Variants in TRPM2 observed in about 807,000 individuals in gnomAD.
TRPM2 encodes transient receptor potential cation channel subfamily M member 2, also known as estrogen-responsive element-associated gene 1 protein.
Under a neutral mutation model 174.0 loss-of-function variants are expected in TRPM2, and 161 were observed. The observed-to-expected ratio is 0.93, with a 90% CI of 0.81 to 1.05. The LOEUF (loss-of-function observed/expected upper bound fraction) is 1.05, where lower values mean the gene tolerates loss of function less well. Ranked by LOEUF, TRPM2 falls within the 50% of genes least tolerant of loss-of-function variation. The pLI, the probability that TRPM2 is intolerant of heterozygous loss-of-function variation, is 0.00. For synonymous variants in TRPM2, 954 were observed against 861.3 expected, an observed-to-expected ratio of 1.11 and a Z score of -1.88; for missense variants, 2,057 against 2,038.0, an observed-to-expected ratio of 1.01 and a Z score of -0.18.
At chr21:44,416,534 T>C in intron 20 of TRPM2, 2 of 163,212 alleles carry the variant, frequency 1.2e-5, no homozygotes, top group Non-Finnish European at 2.7e-5. Flanking sequence ...AATCCACAGA[T>C]CAGGTCCTAG....
intron 5 of TRPM2, among the ~76,000 whole-genome samples, chr21:44,372,118 T>G (rs928077556): frequency 1.3e-5 from 2 of 151,600 alleles, no homozygotes; most frequent in Admixed American, 1.3e-4. Context: ...CAAGACTCTG[T>G]CTAAACTAAA....
At chr21:44,350,272 G>A (rs1341539519), upstream of TRPM2, 1 of 151,400 alleles carries the variant, frequency 6.6e-6, no homozygotes, top group Admixed American at 6.6e-5. Flanking sequence ...GCGGCTCCGA[G>A]CAGGTAGGTG....
Position 44,414,072 on chromosome 21 carries a change from C to T in TRPM2, c.3144C>T (p.Phe1048=), listed in dbSNP as rs778521185. 2 of 1,601,154 alleles carry T rather than the reference C, an allele frequency of 1.2e-6. No homozygotes were observed. Among genetic ancestry groups the T allele is most frequent in the African/African-American group, 1.3e-5 (1 of 74,406 alleles). The change falls in exon 20 of 32, where the codon TTC becomes TTT. Residue 1048 remains phenylalanine (F), a splice_region_variant and synonymous_variant. Transcript: ENST00000397928. ...ILLLNLLIAM[F]NYTFQQVQEH... is the part of the protein sequence containing the mutation. ...TGCTCAACCTCCTCATCGCCATGTT[C>T]AAGTGAGCGCCTGGGTGGGGCTGGC... is the stretch of plus-strand genomic sequence containing the variant.
chr21:44,356,118 GTGATCCACCC>G (rs1425055069), intron 2 of TRPM2, among the ~76,000 whole-genome samples: 1 of 133,926 alleles, frequency 7.5e-6, no homozygotes, highest in East Asian at 2.4e-4. Context: ...GCCGAGGCAG[GTGATCCACCC>G]GCCTCGGCCT....
intron 27 of TRPM2, among the ~76,000 whole-genome samples, chr21:44,431,990 ACC>A (rs1046067521): frequency 1.3e-5 from 2 of 151,696 alleles, no homozygotes; most frequent in Non-Finnish European, 2.9e-5. Context: ...CCTAACCTTA[ACC>A]CTAACCCTCT....
chr21:44,381,861 C>T (rs1242816525), intron 8 of TRPM2, among the ~76,000 whole-genome samples: 25 of 149,032 alleles, frequency 1.7e-4, no homozygotes, highest in Non-Finnish European at 3.1e-4. Flanking sequence ...GACCCAAGAT[C>T]GTGCCACTGC....
In TRPM2 at chr21:44,391,551, C is replaced by T; in HGVS notation, c.1720C>T (p.Gln574Ter). The stretch of plus-strand genomic sequence containing the variant: ...GCGGGAGCTGCTGGGGGACTTCACG[C>T]AGCCGCTTTATCCCCGGCCCCGGCA... ...VLRELLGDFT[Q>*]PLYPRPRHND... Residue 574 changes from glutamine (Q) to a stop codon, truncating the protein, a stop_gained, in exon 11 of 32, where the codon CAG (glutamine) becomes TAG (stop). Coordinates refer to ENST00000397928, the MANE Select transcript of TRPM2 (RefSeq NM_003307.4). LOFTEE classifies it high-confidence loss of function. This position sits in a 1 kb window ranked among gnomAD's most constrained non-coding sequence, Gnocchi z 5.0. 6.3e-7 allele frequency: 1 copy of T among 1,599,932 alleles called. No homozygotes were observed. The highest frequency in any genetic ancestry group is 8.5e-7 in the Non-Finnish European group (1 of 1,177,900).
chr21:44,424,969 C>G (rs1461957968), intron 24 of TRPM2, 30 bp downstream of exon 24: 2 of 1,560,956 alleles, frequency 1.3e-6, no homozygotes, highest in Admixed American at 3.7e-5. Flanking sequence ...AGCAGCTGGT[C>G]TCCAGCCGCC....
intron 22 of TRPM2, chr21:44,422,498 A>C (rs898228355): frequency 2.7e-6 from 4 of 1,490,454 alleles, no homozygotes; most frequent in Non-Finnish European, 2.7e-6. Flanking sequence ...GAGCGAAATC[A>C]CTTTCTTCCC....
rs1601187303 is a variant in TRPM2, at chr21:44,410,351, G to GCA, written c.2963-3540_2963-3539insCA. ...TTTTGACCACACTGTCTTGGTTGGT[G>GCA]TAGCCTTGTAGTAAGTTTTGACCAC... On this transcript the variant is annotated intron_variant, in intron 19 of 31. Transcript: ENST00000397928. Among the ~76,000 whole-genome samples the GCA allele has an allele frequency of 8.4e-5, 7 of 83,008 alleles. 1 individual carries two copies. The highest frequency in any genetic ancestry group is 2.7e-4 in the Admixed American group (2 of 7,300). The allele number at this position is 83,008 out of a possible 152,430, so 54.5% of individuals were successfully genotyped here.
intron 5 of TRPM2, among the ~76,000 whole-genome samples, chr21:44,373,429 C>A (rs550009672): frequency 6.6e-6 from 1 of 152,118 alleles, no homozygotes. Flanking sequence ...TCAAGTGATC[C>A]GCCCGCCTCG....
At position 44,390,752 on chromosome 21, in the gene TRPM2, T is replaced by C. The variant is rs934136295; in HGVS notation, c.1319-152T>C. 7.2e-6 allele frequency: 7 copies of C among 967,406 alleles called. No individual in the cohort carries two copies. In the Admixed American group the frequency reaches 8.4e-5, roughly 12 times the overall value. The allele number at this position is 967,406 out of a possible 1,614,324, so 59.9% of individuals were successfully genotyped here. ...GAACATGCTTTTGCAAGGCTGTGTG[T>C]ATGGGAGGAGGTCACTGGGTGCTGC... On this transcript the variant is annotated intron_variant, in intron 9 of 31. Coordinates refer to ENST00000397928, the MANE Select transcript of TRPM2 (RefSeq NM_003307.4).
Position 44,399,147 on chromosome 21 carries a change from TG to T in TRPM2, c.2063-146del. 1.9e-6 allele frequency: 2 copies of T among 1,043,156 alleles called. No individual in the cohort carries two copies. The highest frequency in any genetic ancestry group is 1.3e-6 in the Non-Finnish European group (1 of 749,048). The allele number at this position is 1,043,156 out of a possible 1,614,324, so 64.6% of individuals were successfully genotyped here. On this transcript the variant is annotated intron_variant, in intron 13 of 31. Coordinates refer to ENST00000397928, the MANE Select transcript of TRPM2 (RefSeq NM_003307.4). The surrounding 1 kb of genome is among the most constrained non-coding windows in gnomAD (Gnocchi z 4.6). ...TCCCTGGGGTCCTCGTCCCTGGGCC[TG>T]GGTGTTTTGAGACACCAGCCCCACA...
chr21:44,428,861 C>T (rs2050927930), intron 27 of TRPM2, among the ~76,000 whole-genome samples: 1 of 152,166 alleles, frequency 6.6e-6, no homozygotes, highest in African/African-American at 2.4e-5. Context: ...TGAGGTGTGG[C>T]TCCTCTTTCA....
In TRPM2 at chr21:44,438,579, C is replaced by T. The variant is rs974914448; in HGVS notation, c.4168-488C>T. ...GGTGTGGGGAGGAGGAGGTGCAGGC[C>T]GGAGCTGGGTCCCTGAGTCAGGTGG... On this transcript the variant is annotated intron_variant, in intron 29 of 31. Transcript: ENST00000397928. This position sits in a 1 kb window ranked among gnomAD's most constrained non-coding sequence, Gnocchi z 5.9. Among the ~76,000 whole-genome samples, 24 of 152,052 alleles carry T rather than the reference C, an allele frequency of 1.6e-4. No individual in the cohort carries two copies. The highest frequency in any genetic ancestry group is 5.8e-4 in the African/African-American group (24 of 41,478).
In TRPM2 at chr21:44,439,122, A is replaced by G. The variant is rs2051392678; in HGVS notation, c.4223A>G (p.Gln1408Arg). ...CGGAAGCTGAAGCGGATCCTCCGGC[A>G]GGAGCACTGGCCGTCTTTTGAAAAC... ...LPRKLKRILR[Q>R]EHWPSFENLL... Residue 1408 changes from glutamine to arginine, a missense_variant, in exon 30 of 32, where the codon CAG becomes CGG. Coordinates refer to ENST00000397928, the MANE Select transcript of TRPM2 (RefSeq NM_003307.4). This position sits in a 1 kb window ranked among gnomAD's most constrained non-coding sequence, Gnocchi z 5.1. 6.2e-7 allele frequency: 1 copy of G among 1,613,678 alleles called. No homozygotes were observed. The highest frequency in any genetic ancestry group is 1.7e-5 in the Admixed American group (1 of 59,994).
Position 44,397,871 on chromosome 21 carries a change from C to G in TRPM2, c.2057C>G (p.Ala686Gly), listed in dbSNP as rs753328226. ...CTGGCGGAGGAGTATGAGCACAGAG[C>G]CATCGGTGAGCTCTGCCGGGCACGG... ...LALAEEYEHR[A>G]IGVFTECYRK... The change falls in exon 13 of 32, where the codon GCC becomes GGC. Residue 686 changes from alanine to glycine, a missense_variant. By Grantham distance (60) the Ala-to-Gly change is moderately conservative. Coordinates refer to ENST00000397928, the MANE Select transcript of TRPM2 (RefSeq NM_003307.4). The G allele has an allele frequency of 1.2e-6, 2 of 1,600,934 alleles. No individual in the cohort carries two copies. Among genetic ancestry groups the G allele is most frequent in the East Asian group, 4.5e-5 (2 of 44,480 alleles).
intron 2 of TRPM2, among the ~76,000 whole-genome samples, chr21:44,360,809 T>A (rs910970442): frequency 2.6e-5 from 4 of 152,092 alleles, no homozygotes; most frequent in Non-Finnish European, 4.4e-5. Flanking sequence ...TCAACTGATC[T>A]GCCTGCCTCG....
chr21:44,397,578 A>C lies in TRPM2; in HGVS notation c.1933-169A>C, dbSNP rs566120129. Among the ~76,000 whole-genome samples, 416 of 151,376 alleles carry C rather than the reference A, an allele frequency of 2.7e-3. 1 individual carries two copies. The highest frequency in any genetic ancestry group is 9.5e-3 in the African/African-American group (387 of 40,834). On this transcript the variant is annotated intron_variant, in intron 12 of 31. Coordinates refer to ENST00000397928, the MANE Select transcript of TRPM2 (RefSeq NM_003307.4). ...GGCCATCATCAGAGGTTGTGTATTG[A>C]CTGGGGTGGGGCTTAAGTTGTCTGT...
Sources: allele counts gnomAD v4.1 joint callset (sites outside exome capture counted in the v4.1 genomes callset), GRCh38; gene constraint gnomAD v4.1.1; non-coding constraint Gnocchi (gnomAD v3.1); transcripts MANE v1.5; gene names NCBI Gene and HGNC (gene_info 2026-07-23, HGNC 2026-07-21).